CDH26: variants seen among roughly 807,000 people sequenced by gnomAD.
The protein encoded by CDH26 is cadherin 26.
Under a neutral mutation model 90.3 loss-of-function variants are expected in CDH26, and 83 were observed. That is an observed-to-expected ratio of 0.92 (90% CI 0.77 to 1.10). CDH26 has a LOEUF of 1.10. Ranked by LOEUF, CDH26 falls within the 50% of genes least tolerant of loss-of-function variation. The pLI is 0.00. For missense variants in CDH26, 1,013 were observed against 1,037.6 expected, an observed-to-expected ratio of 0.98 and a Z score of 0.33; for synonymous variants, 397 against 396.3, an observed-to-expected ratio of 1.00 and a Z score of -0.02.
intron 17 of CDH26, 102 bp from the exon 18 acceptor site, chr20:60,012,425 T>C: frequency 9.4e-7 from 1 of 1,068,464 alleles, no homozygotes; most frequent in South Asian, 1.5e-5. Flanking sequence ...GCCTGAGTGC[T>C]GTTACTACTG....
intron 17 of CDH26, among the ~76,000 whole-genome samples, chr20:60,008,688 C>G (rs929774893): frequency 6.6e-6 from 1 of 151,332 alleles, no homozygotes; most frequent in African/African-American, 2.5e-5. Flanking sequence ...GAGTCACTGT[C>G]TGGGGTTTCC....
At chr20:60,006,659 G>T (rs1006346849) in intron 16 of CDH26, 54 bp from the exon 17 acceptor site, 17 of 1,315,526 alleles carry the variant, frequency 1.3e-5, no homozygotes, top group Non-Finnish European at 2.2e-6. Context: ...ACAGGGGTTG[G>T]GGGGTAGGAC....
chr20:60,033,696 G>A, exon 9 of CDH26: 1 of 1,294,386 alleles, frequency 7.7e-7, no homozygotes, highest in Non-Finnish European at 1.0e-6. Context: ...ACGGTGGAGG[G>A]GCATGGGCCT....
intron 17 of CDH26, among the ~76,000 whole-genome samples, chr20:60,008,266 G>T (rs1416763514): frequency 6.6e-6 from 1 of 152,184 alleles, no homozygotes; most frequent in Non-Finnish European, 1.5e-5. Context: ...CTGTTCTGAG[G>T]ACTTGAAAGA....
At chr20:59,991,501 G>C (rs751471531) in intron 9 of CDH26, among the ~76,000 whole-genome samples, 2 of 152,110 alleles carry the variant, frequency 1.3e-5, no homozygotes, top group East Asian at 3.9e-4. Flanking sequence ...TCTTCCCCTC[G>C]TTTGTAAACA....
At chr20:59,991,445 G>A (rs1032560654) in intron 9 of CDH26, among the ~76,000 whole-genome samples, 6 of 151,944 alleles carry the variant, frequency 3.9e-5, no homozygotes, top group Admixed American at 2.0e-4. Context: ...ATTAGCTGAG[G>A]GAGCTGCCTT....
intron 6 of CDH26, 72 bp from the exon 7 acceptor site, chr20:59,984,929 C>G: frequency 6.4e-7 from 1 of 1,573,478 alleles, no homozygotes; most frequent in South Asian, 1.2e-5. Context: ...AATTCCTAAA[C>G]AGAATATTTC....
At chr20:59,991,686 AC>A (rs2061529571) in intron 9 of CDH26, among the ~76,000 whole-genome samples, 1 of 152,120 alleles carries the variant, frequency 6.6e-6, no homozygotes. Context: ...ATAAGGAGAA[AC>A]TGCCCCTCTC....
At chr20:60,035,711 G>A (rs563309930), downstream of CDH26, among the ~76,000 whole-genome samples, 17 of 152,156 alleles carry the variant, frequency 1.1e-4, no homozygotes, top group African/African-American at 3.1e-4. Flanking sequence ...ATTGGATCAC[G>A]GGGGGCGGTT....
chr20:59,992,413 G>A lies in CDH26; in HGVS notation c.1319G>A (p.Ser440Asn). The A allele has an allele frequency of 6.2e-7, 1 of 1,614,088 alleles. No individual in the cohort carries two copies. Among genetic ancestry groups the A allele is most frequent in the Non-Finnish European group, 8.5e-7 (1 of 1,180,014 alleles). The change falls in exon 10 of 18, where the codon AGC becomes AAC. Residue 440 changes from serine to asparagine, a missense_variant. Physicochemically the swap from Ser to Asn is conservative, Grantham distance 46. Coordinates refer to ENST00000348616, the MANE Select transcript of CDH26 (RefSeq NM_177980.4). This position sits in a 1 kb window ranked among gnomAD's most constrained non-coding sequence, Gnocchi z 5.0. ...ELVHDPANWV[S>N]VDKNSGVVIT... Reference sequence around the variant, plus strand: ...GTTCATGACCCAGCAAATTGGGTCAGCGTCGACAAAAACTCCGGAGTGGTC... The same window carrying A: ...GTTCATGACCCAGCAAATTGGGTCAACGTCGACAAAAACTCCGGAGTGGTC...
At chr20:59,962,922 C>T (rs900300022) in intron 1 of CDH26, among the ~76,000 whole-genome samples, 2 of 152,160 alleles carry the variant, frequency 1.3e-5, no homozygotes, top group African/African-American at 4.8e-5. Flanking sequence ...TGTGAGAATA[C>T]AAGCTATGCT....
intron 14 of CDH26, among the ~76,000 whole-genome samples, chr20:60,001,072 G>A (rs1281240080): frequency 6.6e-6 from 1 of 152,158 alleles, no homozygotes; most frequent in Non-Finnish European, 1.5e-5. Flanking sequence ...CAGTTTTCAG[G>A]TGTCTGTGTC....
chr20:59,996,423 A>G, intron 12 of CDH26: 2 of 1,562,190 alleles, frequency 1.3e-6, no homozygotes, highest in Non-Finnish European at 8.7e-7. Flanking sequence ...CTGGCCAGAT[A>G]GTATTATTGA....
At chr20:59,983,112 GC>G in intron 5 of CDH26, 42 bp downstream of exon 5, 1 of 1,592,886 alleles carries the variant, frequency 6.3e-7, no homozygotes. Flanking sequence ...TTCTGTCTCT[GC>G]TCTGTTCCTT....
chr20:60,003,405 A>G (rs80092996), intron 16 of CDH26, among the ~76,000 whole-genome samples: 2,478 of 152,358 alleles, frequency 0.016, 39 homozygotes, highest in Non-Finnish European at 0.026. Flanking sequence ...TTGTGGATAT[A>G]GTTTGCAAAA....
At chr20:60,008,013 A>T (rs866446705) in intron 17 of CDH26, among the ~76,000 whole-genome samples, 20 of 152,316 alleles carry the variant, frequency 1.3e-4, no homozygotes, top group Non-Finnish European at 5.9e-5. Context: ...TTACATGGAT[A>T]GGGCAGAGCC....
At chr20:60,006,677 C>G in intron 16 of CDH26, 36 bp from the exon 17 acceptor site, 2 of 1,532,250 alleles carry the variant, frequency 1.3e-6, no homozygotes, top group Non-Finnish European at 1.8e-6. Context: ...GACAAGGGCT[C>G]TGCTGTGGTA....
chr20:59,967,898 TTCCTTCC>T lies in CDH26; in HGVS notation c.70-1067_70-1061del, dbSNP rs1452771927. Among the ~76,000 whole-genome samples, 685 of 124,278 alleles carry T rather than the reference TTCCTTCC, an allele frequency of 5.5e-3. 20 individuals carry two copies. The highest frequency in any genetic ancestry group is 0.025 in the African/African-American group (641 of 25,392). 81.5% of individuals were successfully genotyped at this position (124,278 alleles called of 152,430 possible). A position where few individuals can be genotyped will look rare whatever the true frequency, so the allele number is the denominator to read the frequency against. On this transcript the variant is annotated intron_variant, in intron 1 of 17. Coordinates refer to ENST00000348616, the MANE Select transcript of CDH26 (RefSeq NM_177980.4). ...CTTTCTTCCTTCCTTCCTTCCTTCCTTCCTTCCTTCCTTTCCTTTCCTTTCCTTTCCT... is the reference window on the plus strand; with the variant it reads ...CTTTCTTCCTTCCTTCCTTCCTTCCTTTCCTTTCCTTTCCTTTCCTTTCCT...
chr20:60,006,449 C>G (rs2061751656), intron 16 of CDH26, among the ~76,000 whole-genome samples: 1 of 152,152 alleles, frequency 6.6e-6, no homozygotes, highest in African/African-American at 2.4e-5. Context: ...ACCCTCCTGG[C>G]CGGGCTCACT....
Sources: allele counts gnomAD v4.1 joint callset (sites outside exome capture counted in the v4.1 genomes callset), GRCh38; gene constraint gnomAD v4.1.1; non-coding constraint Gnocchi (gnomAD v3.1); transcripts MANE v1.5; gene names NCBI Gene and HGNC (gene_info 2026-07-23, HGNC 2026-07-21).